CEP350: variants seen among roughly 807,000 people sequenced by gnomAD.
The protein encoded by CEP350 is centrosomal protein 350.
In CEP350, 126 loss-of-function variants were observed where a neutral mutation model predicts 331.8. The observed-to-expected ratio is 0.38, with a 90% CI of 0.33 to 0.44. The LOEUF (loss-of-function observed/expected upper bound fraction) is 0.44. Among genes scored for constraint, CEP350 ranks in the 20% least tolerant of loss-of-function variants. CEP350 has a pLI of 1.00. For synonymous variants in CEP350, 1,200 were observed against 1,259.5 expected, an observed-to-expected ratio of 0.95 and a Z score of 1.00; for missense variants, 3,406 against 3,634.6, an observed-to-expected ratio of 0.94 and a Z score of 1.62.
At position 179,990,676 on chromosome 1, in the gene CEP350, A is replaced by G. The variant is rs1406140137; in HGVS notation, c.235+55A>G. ...CATATATTAAATATAAATTTTGACAAAACAGACAGCTAGATCTACAGGGGT... is the reference window on the plus strand; with the variant it reads ...CATATATTAAATATAAATTTTGACAGAACAGACAGCTAGATCTACAGGGGT... On this transcript the variant is annotated intron_variant, in intron 4 of 37. Transcript: ENST00000367607. 9.2e-6 allele frequency: 9 copies of G among 973,124 alleles called. No individual in the cohort carries two copies. In the South Asian group the frequency reaches 1.5e-4, roughly 17 times the overall value. 60.3% of individuals were successfully genotyped at this position (973,124 alleles called of 1,614,324 possible).
At chr1:180,064,320 A>AC (rs1658417165) in intron 26 of CEP350, among the ~76,000 whole-genome samples, 1 of 151,146 alleles carries the variant, frequency 6.6e-6, no homozygotes, top group African/African-American at 2.4e-5. Context: ...AGGTTCTGAG[A>AC]CCCCACTCTT....
intron 37 of CEP350, among the ~76,000 whole-genome samples, chr1:180,100,946 A>C (rs1248919943): frequency 6.6e-6 from 1 of 152,222 alleles, no homozygotes; most frequent in Non-Finnish European, 1.5e-5. Context: ...GATACAATTC[A>C]AGTTGAGATT....
At chr1:180,042,704 G>A (rs902034883) in intron 19 of CEP350, among the ~76,000 whole-genome samples, 6 of 152,226 alleles carry the variant, frequency 3.9e-5, no homozygotes, top group Non-Finnish European at 7.3e-5. Context: ...TACTTGACCT[G>A]TTGGTCAGCA....
At chr1:180,073,546 G>A (rs1659029095) in intron 27 of CEP350, among the ~76,000 whole-genome samples, 1 of 152,120 alleles carries the variant, frequency 6.6e-6, no homozygotes, top group Admixed American at 6.5e-5. Flanking sequence ...TGAAAATATA[G>A]ATGGTGGTTA....
In CEP350 at chr1:179,979,191, A is replaced by G. The variant is rs546519550; in HGVS notation, c.-13-6978A>G. 9.2e-5 allele frequency among the ~76,000 whole-genome samples: 14 copies of G among 152,144 alleles called. 1 individual carries two copies. Among genetic ancestry groups the G allele is most frequent in the Non-Finnish European group, 1.3e-4 (9 of 67,926 alleles). ...ACTAGTTTACATTCCCACCAATAGTATGTAAGAGTTCCTTTTTCTGTATAT... is the reference window on the plus strand; with the variant it reads ...ACTAGTTTACATTCCCACCAATAGTGTGTAAGAGTTCCTTTTTCTGTATAT... On this transcript the variant is annotated intron_variant, in intron 1 of 37. Transcript: ENST00000367607.
intron 6 of CEP350, among the ~76,000 whole-genome samples, chr1:179,997,398 C>T (rs1653529308): frequency 6.6e-6 from 1 of 151,872 alleles, no homozygotes; most frequent in Non-Finnish European, 1.5e-5. Flanking sequence ...AAAAAATTAG[C>T]CAGGCGTGGT....
At chr1:179,973,897 T>C (rs769206421) in intron 1 of CEP350, among the ~76,000 whole-genome samples, 7 of 152,202 alleles carry the variant, frequency 4.6e-5, no homozygotes, top group Non-Finnish European at 1.0e-4. Context: ...TTCTTTCTTA[T>C]GAGTGGTTTT....
rs895211274 is a variant in CEP350 at position 180,014,198 on chromosome 1, C to A, written c.1745C>A (p.Pro582His). The A allele has an allele frequency of 1.2e-6, 2 of 1,609,934 alleles. No homozygotes were observed. The highest frequency in any genetic ancestry group is 2.2e-5 in the East Asian group (1 of 44,810). Residue 582 changes from proline (P) to histidine (H), a missense_variant, in exon 10 of 38, where the codon CCC (proline) becomes CAC (histidine). Around this residue, in one of 5 missense-constraint regions of CEP350, gnomAD observed 1,857 missense variants for 1,909.2 expected, o/e 0.97. Coordinates refer to ENST00000367607, the MANE Select transcript of CEP350 (RefSeq NM_014810.5). ...KPDKITANED[P>H]PVISKRRHYD... Reference sequence around the variant, plus strand: ...GACAAAATAACAGCTAATGAAGATCCCCCTGTTATTTCCAAAAGGCGCCAC... The same window carrying A: ...GACAAAATAACAGCTAATGAAGATCACCCTGTTATTTCCAAAAGGCGCCAC...
intron 1 of CEP350, among the ~76,000 whole-genome samples, chr1:179,965,623 T>C (rs1263309727): frequency 7.0e-6 from 1 of 142,012 alleles, no homozygotes; most frequent in South Asian, 2.3e-4. Context: ...TTCTTTTTTT[T>C]TTTTTTTTTT....
chr1:180,004,902 G>GCTTTCTTTCTTTCTTTCTTTCTTT (rs1355344694), intron 7 of CEP350, among the ~76,000 whole-genome samples: 33 of 125,414 alleles, frequency 2.6e-4, no homozygotes, highest in African/African-American at 2.4e-4. Context: ...TTGCTTGCTT[G>GCTTTCTTTCTTTCTTTCTTTCTTT]CTTGCTTTCT....
chr1:179,979,859 A>G (rs1382023160), intron 1 of CEP350, among the ~76,000 whole-genome samples: 1 of 151,656 alleles, frequency 6.6e-6, no homozygotes, highest in African/African-American at 2.4e-5. Context: ...CTATAAATAC[A>G]TGGATGTTCT....
rs1017477015 is a variant in CEP350 at position 180,065,110 on chromosome 1, T to A, written c.5410-5T>A. Reference sequence around the variant, plus strand: ...CAATACAATTTTGCCTCTTTTTGTTTGCAGGACTCTCATAGTGATGATGAT... The same window carrying A: ...CAATACAATTTTGCCTCTTTTTGTTAGCAGGACTCTCATAGTGATGATGAT... On this transcript the variant is annotated splice_region_variant and splice_polypyrimidine_tract_variant and intron_variant, in intron 26 of 37. Transcript: ENST00000367607. The A allele has an allele frequency of 6.3e-7, 1 of 1,584,598 alleles. No homozygotes were observed. The highest frequency in any genetic ancestry group is 8.5e-7 in the Non-Finnish European group (1 of 1,170,648).
In CEP350 at chr1:180,103,321, G is replaced by A. The variant is rs1396200509; in HGVS notation, c.9189+4336G>A. ...TCTATTGGCACAATTGCCGGCATTC[G>A]CTTGTGCAAGCTTCCAGCTTGTTTG... On this transcript the variant is annotated intron_variant, in intron 37 of 37. Coordinates refer to ENST00000367607, the MANE Select transcript of CEP350 (RefSeq NM_014810.5). Among the ~76,000 whole-genome samples, 5 of 152,082 alleles carry A rather than the reference G, an allele frequency of 3.3e-5. No individual in the cohort carries two copies. In the East Asian group the frequency reaches 9.7e-4, roughly 29 times the overall value.
intron 27 of CEP350, among the ~76,000 whole-genome samples, chr1:180,065,780 A>G (rs1308354663): frequency 6.6e-6 from 1 of 152,074 alleles, no homozygotes; most frequent in Non-Finnish European, 1.5e-5. Context: ...AAGTATCTGC[A>G]CATGTACCCA....
At chr1:180,050,021 G>A (rs1270124335) in intron 22 of CEP350, among the ~76,000 whole-genome samples, 1 of 152,164 alleles carries the variant, frequency 6.6e-6, no homozygotes, top group Non-Finnish European at 1.5e-5. Context: ...GAGCCCAGTG[G>A]TCTTCTTGAG....
At chr1:180,062,848 T>C (rs1185196937) in intron 26 of CEP350, among the ~76,000 whole-genome samples, 1 of 152,228 alleles carries the variant, frequency 6.6e-6, no homozygotes, top group East Asian at 1.9e-4. Context: ...AATGTTACAA[T>C]GAGAATTAAG....
At position 180,036,962 on chromosome 1, in the gene CEP350, G is replaced by A. The variant is rs755785196; in HGVS notation, c.3983G>A (p.Arg1328His). 8.8e-6 allele frequency: 14 copies of A among 1,588,758 alleles called. No individual in the cohort carries two copies. In the African/African-American group the frequency reaches 1.1e-4, roughly 12 times the overall value. ...TTTTCTCCTGCTGGCCTCCATCATC[G>A]TATGGCAGCAGAACTCAGTTATCTG... Reference protein sequence around the residue: ...KRFSPAGLHHRMAAELSYLNA... With the variant: ...KRFSPAGLHHHMAAELSYLNA... The change falls in exon 17 of 38, where the codon CGT becomes CAT. Residue 1328 changes from arginine (R) to histidine (H), a missense_variant. Coordinates refer to ENST00000367607, the MANE Select transcript of CEP350 (RefSeq NM_014810.5).
chr1:180,004,901 TGC>T (rs1558093117), intron 7 of CEP350, among the ~76,000 whole-genome samples: 12 of 48,344 alleles, frequency 2.5e-4, no homozygotes, highest in Admixed American at 1.3e-3. Context: ...CTTGCTTGCT[TGC>T]TTGCTTTCTT....
At chr1:180,049,510 T>C (rs906035771) in intron 22 of CEP350, among the ~76,000 whole-genome samples, 4 of 151,374 alleles carry the variant, frequency 2.6e-5, no homozygotes, top group African/African-American at 7.3e-5. Context: ...CTTCTGGCCA[T>C]GATGGAACAA....
Sources: allele counts gnomAD v4.1 joint callset (sites outside exome capture counted in the v4.1 genomes callset), GRCh38; gene constraint gnomAD v4.1.1; regional missense constraint gnomAD v4.1.1; transcripts MANE v1.5; gene names NCBI Gene and HGNC (gene_info 2026-07-23, HGNC 2026-07-21).